CMC2: variants seen among roughly 807,000 people sequenced by gnomAD.
CMC2 encodes COX assembly mitochondrial protein 2 homolog.
Under a neutral mutation model 7.5 loss-of-function variants are expected in CMC2, and 5 were observed. That is an observed-to-expected ratio of 0.66 (90% CI 0.35 to 1.40). The LOEUF is 1.40. Among genes scored for constraint, CMC2 ranks in the 40% most tolerant of loss-of-function variants. The pLI, the probability that CMC2 is intolerant of heterozygous loss-of-function variation, is 0.04. For missense variants in CMC2, 115 were observed against 92.3 expected (o/e 1.25, Z -1.01); for synonymous variants, 37 against 31.4 (o/e 1.18, Z -0.60).
In CMC2 at chr16:80,972,670, G is replaced by C. The variant is rs950688995; in HGVS notation, c.*3423C>G. 1.3e-5 allele frequency: 2 copies of C among 152,126 alleles called. No homozygotes were observed. The highest frequency in any genetic ancestry group is 2.4e-5 in the African/African-American group (1 of 41,430). 9.4% of individuals were successfully genotyped at this position (152,126 alleles called of 1,614,324 possible). ...AACTAGATTTCTCAGGAAAACCTTG[G>C]CCTAAGTTCTTCAGCTTCCAAGAGA... On this transcript the variant is annotated 3_prime_UTR_variant, in exon 4 of 4. Transcript: ENST00000219400.
chr16:80,998,147 C>T (rs1305440041), intron 1 of CMC2: 1 of 148,660 alleles, frequency 6.7e-6, no homozygotes, highest in African/African-American at 2.5e-5. Flanking sequence ...TGCTATGTTG[C>T]CCAGGCTGGT....
At position 80,968,225 on chromosome 16, in the gene CMC2, C is replaced by T. The variant is rs1911686201; in HGVS notation, c.*7868G>A. On this transcript the variant is annotated 3_prime_UTR_variant, in exon 4 of 4. Transcript: ENST00000219400. ...GGTCAGGGTGGGGTCTAAAACTCTC[C>T]ATTTCTTTTTTTTATTTTTATTTTT... 1 of 145,820 alleles carries T rather than the reference C, an allele frequency of 6.9e-6. No homozygotes were observed. Among genetic ancestry groups the T allele is most frequent in the Non-Finnish European group, 1.5e-5 (1 of 67,116 alleles). The allele number at this position is 145,820 out of a possible 1,614,324, so 9.0% of individuals were successfully genotyped here.
chr16:81,005,925 G>C lies in CMC2; in HGVS notation c.-36+809C>G, dbSNP rs560961494. 8.7e-4 allele frequency among the ~76,000 whole-genome samples: 132 copies of C among 152,294 alleles called. 1 individual carries two copies. The highest frequency in any genetic ancestry group is 2.9e-3 in the African/African-American group (121 of 41,542). ...CCCAATCGATGTTCGCGGAATGTCA[G>C]AAACTGACAACTAGTTCAGGCCTCA... On this transcript the variant is annotated intron_variant, in intron 1 of 3. Transcript: ENST00000219400.
rs563233863 is a variant in CMC2 at position 80,966,692 on chromosome 16, G to T, written c.*9401C>A. The T allele has an allele frequency of 1.3e-5, 2 of 152,182 alleles. No homozygotes were observed. The highest frequency in any genetic ancestry group is 4.8e-5 in the African/African-American group (2 of 41,512). 9.4% of individuals were successfully genotyped at this position (152,182 alleles called of 1,614,324 possible). ...GATGTAAAGTCAAAATATTGTATTT[G>T]AACAACACTTATAATCATTTCCTTT... On this transcript the variant is annotated 3_prime_UTR_variant, in exon 4 of 4. Transcript: ENST00000219400.
chr16:80,985,341 C>A (rs914231041), intron 2 of CMC2, among the ~76,000 whole-genome samples: 7 of 152,130 alleles, frequency 4.6e-5, no homozygotes, highest in Non-Finnish European at 1.0e-4. Context: ...AACATCACAA[C>A]AGATTGAATG....
chr16:80,992,414 G>C (rs1021051171), intron 2 of CMC2, among the ~76,000 whole-genome samples: 1 of 152,148 alleles, frequency 6.6e-6, no homozygotes, highest in East Asian at 1.9e-4. Context: ...ATATACGGCA[G>C]TTTTGCTACA....
rs1371330880 is a variant in CMC2, at chr16:80,968,526, T to C, written c.*7567A>G. On this transcript the variant is annotated 3_prime_UTR_variant, in exon 4 of 4. Coordinates refer to ENST00000219400, the MANE Select transcript of CMC2 (RefSeq NM_020188.5). ...TTTGCCATGCCCTCCCCAACTCCCA[T>C]CCTCCCCCCATCTTCTAGGAATGAG... The C allele has an allele frequency of 1.3e-5, 2 of 152,210 alleles. No homozygotes were observed. The highest frequency in any genetic ancestry group is 1.9e-4 in the East Asian group (1 of 5,188). 9.4% of individuals were successfully genotyped at this position (152,210 alleles called of 1,614,324 possible). A position where few individuals can be genotyped will look rare whatever the true frequency, so the allele number is the denominator to read the frequency against.
chr16:80,986,569 T>A (rs968443486), intron 2 of CMC2, among the ~76,000 whole-genome samples: 1 of 151,996 alleles, frequency 6.6e-6, no homozygotes, highest in East Asian at 1.9e-4. Flanking sequence ...GGAGACCAGA[T>A]AGAAGTCCTT....
intron 3 of CMC2, chr16:80,980,814 G>A: frequency 1.4e-6 from 1 of 699,994 alleles, no homozygotes; most frequent in East Asian, 2.7e-5. Flanking sequence ...AGGATCACTT[G>A]AGTTTGAGGC....
At chr16:80,977,153 G>T (rs554337110) in intron 3 of CMC2, among the ~76,000 whole-genome samples, 1 of 151,968 alleles carries the variant, frequency 6.6e-6, no homozygotes, top group Admixed American at 6.6e-5. Context: ...TCTTCATCAC[G>T]AACAGTTAAC....
In CMC2 at chr16:80,971,562, T is replaced by TATATATATATATATATATATATA. The variant is rs1555512297; in HGVS notation, c.*4530_*4531insTATATATATATATATATATATAT. ...GGCTATGGATACTGACATACATACATTTTATATATATATATATATATATGT... is the reference window on the plus strand; with the variant it reads ...GGCTATGGATACTGACATACATACATATATATATATATATATATATATATTTATATATATATATATATATATGT... On this transcript the variant is annotated 3_prime_UTR_variant, in exon 4 of 4. Transcript: ENST00000219400. The TATATATATATATATATATATATA allele has an allele frequency of 2.6e-5, 2 of 76,036 alleles. No homozygotes were observed. Among genetic ancestry groups the TATATATATATATATATATATATA allele is most frequent in the East Asian group, 4.2e-4 (1 of 2,384 alleles). 4.7% of individuals were successfully genotyped at this position (76,036 alleles called of 1,614,324 possible). A position where few individuals can be genotyped will look rare whatever the true frequency, so the allele number is the denominator to read the frequency against.
At chr16:80,984,461 G>A (rs537171201) in intron 2 of CMC2, among the ~76,000 whole-genome samples, 32 of 152,200 alleles carry the variant, frequency 2.1e-4, no homozygotes, top group South Asian at 8.3e-4. Context: ...ATTCCACACT[G>A]AATAAGTGGT....
chr16:80,979,765 C>T lies in CMC2; in HGVS notation c.153+2041G>A, dbSNP rs547799195. Among the ~76,000 whole-genome samples the T allele has an allele frequency of 7.0e-4, 103 of 146,180 alleles. 1 individual carries two copies. Among genetic ancestry groups the T allele is most frequent in the Non-Finnish European group, 1.1e-3 (74 of 65,862 alleles). On this transcript the variant is annotated intron_variant, in intron 3 of 3. Transcript: ENST00000219400. Reference sequence around the variant, plus strand: ...CCTCCCGAGTAGCTGGAACTACAGGCGCCCGCCACCATGCCTGGCTAATTT... The same window carrying T: ...CCTCCCGAGTAGCTGGAACTACAGGTGCCCGCCACCATGCCTGGCTAATTT...
intron 1 of CMC2, chr16:80,998,358 A>G (rs1021842254): frequency 4.3e-5 from 1 of 23,458 alleles, no homozygotes; most frequent in African/African-American, 7.1e-5. Context: ...GCTACTGCTG[A>G]AAAAAAAACA....
At chr16:80,994,971 C>T (rs367873427) in intron 2 of CMC2, among the ~76,000 whole-genome samples, 17 of 152,012 alleles carry the variant, frequency 1.1e-4, no homozygotes, top group Admixed American at 5.2e-4. Context: ...CATAATGAAA[C>T]CCCGTCTCTA....
In CMC2 at chr16:80,981,763, G is replaced by C. The variant is rs1367716054; in HGVS notation, c.153+43C>G. ...AATACACAATATTCAAAAATGTTCT[G>C]TTCTATTGTTCAACCATATCCATCC... On this transcript the variant is annotated intron_variant, in intron 3 of 3. Transcript: ENST00000219400. The C allele has an allele frequency of 3.1e-6, 4 of 1,274,700 alleles. No individual in the cohort carries two copies. The South Asian group carries it at 3.8e-5, about 12-fold the overall frequency. 79.0% of individuals were successfully genotyped at this position (1,274,700 alleles called of 1,614,324 possible). A position where few individuals can be genotyped will look rare whatever the true frequency, so the allele number is the denominator to read the frequency against.
At chr16:81,005,590 G>GCGACTTATCACAA (rs140209849) in intron 1 of CMC2, among the ~76,000 whole-genome samples, 93,994 of 151,614 alleles carry the variant, frequency 0.62, 31,034 homozygotes, top group South Asian at 0.79. Flanking sequence ...ACTTATCACA[G>GCGACTTATCACAA]GACCAGTTCT....
At position 80,976,133 on chromosome 16, in the gene CMC2, C is replaced by T. The variant is rs775393956; in HGVS notation, c.200G>A (p.Arg67Gln). Residue 67 changes from arginine (R) to glutamine (Q), a missense_variant, in exon 4 of 4, where the codon CGA becomes CAA. Arg to Gln is a conservative substitution (Grantham distance 43). Coordinates refer to ENST00000219400, the MANE Select transcript of CMC2 (RefSeq NM_020188.5). ...CTCTGGAGGATTAAAAAGTTTCTTTCGCATTGCAATGCCATGCTCCCTGCT... is the reference window on the plus strand; with the variant it reads ...CTCTGGAGGATTAAAAAGTTTCTTTTGCATTGCAATGCCATGCTCCCTGCT... ...TKSREHGIAM[R>Q]KKLFNPPEES... 1.4e-5 allele frequency: 22 copies of T among 1,609,856 alleles called. No homozygotes were observed. Among genetic ancestry groups the T allele is most frequent in the South Asian group, 7.7e-5 (7 of 90,960 alleles).
chr16:80,977,364 T>C (rs918436712), intron 3 of CMC2, among the ~76,000 whole-genome samples: 3 of 152,216 alleles, frequency 2.0e-5, no homozygotes, highest in Non-Finnish European at 4.4e-5. Context: ...TATGTATATA[T>C]GTACATGCTT....
Sources: allele counts gnomAD v4.1 joint callset (sites outside exome capture counted in the v4.1 genomes callset), GRCh38; gene constraint gnomAD v4.1.1; transcripts MANE v1.5; gene names NCBI Gene and HGNC (gene_info 2026-07-23, HGNC 2026-07-21).